CHD7: variants seen among roughly 807,000 people sequenced by gnomAD.
CHD7 encodes ATP-dependent chromatin remodeler CHD7.
CHD7 carries 24 observed loss-of-function variants against 307.3 expected under a neutral mutation model. The observed-to-expected ratio is 0.08, with a 90% CI of 0.06 to 0.11. CHD7 has a LOEUF of 0.11. CHD7 is among the 10% of genes least tolerant of loss of function. CHD7 has a pLI of 1.00. For synonymous variants in CHD7, 1,363 were observed against 1,349.9 expected, an observed-to-expected ratio of 1.01 and a Z score of -0.21; for missense variants, 3,106 against 3,727.1, an observed-to-expected ratio of 0.83 and a Z score of 4.34.
chr8:60,684,907 G>C (rs1805805489), intron 1 of CHD7, among the ~76,000 whole-genome samples: 1 of 152,208 alleles, frequency 6.6e-6, no homozygotes, highest in South Asian at 2.1e-4. Context: ...CAATGATTTG[G>C]ACTAGATTGG....
intron 2 of CHD7, among the ~76,000 whole-genome samples, chr8:60,769,089 A>G (rs1040684040): frequency 6.6e-6 from 1 of 152,252 alleles, no homozygotes; most frequent in African/African-American, 2.4e-5. Context: ...AACCTCAAGT[A>G]TAAATCCTTT....
At chr8:60,797,031 GTTGATATA>G (rs1812066906) in intron 4 of CHD7, among the ~76,000 whole-genome samples, 2 of 152,132 alleles carry the variant, frequency 1.3e-5, no homozygotes, top group Non-Finnish European at 2.9e-5. Context: ...AGTTTAAAAA[GTTGATATA>G]TTATTTTAGT....
chr8:60,768,357 A>T (rs929378612), intron 2 of CHD7, among the ~76,000 whole-genome samples: 5 of 152,216 alleles, frequency 3.3e-5, no homozygotes, highest in African/African-American at 1.2e-4. Context: ...CCATTTGATT[A>T]TTATGATCAG....
intron 1 of CHD7, among the ~76,000 whole-genome samples, chr8:60,717,531 G>A (rs146394791): frequency 7.2e-5 from 11 of 152,322 alleles, no homozygotes; most frequent in African/African-American, 2.6e-4. Flanking sequence ...CTACAACTCA[G>A]GTGGTTATGT....
intron 2 of CHD7, among the ~76,000 whole-genome samples, chr8:60,763,360 T>A (rs2150626167): frequency 6.6e-6 from 1 of 152,264 alleles, no homozygotes; most frequent in East Asian, 1.9e-4. Flanking sequence ...ACATTCCAGG[T>A]ACTCAGTAGC....
chr8:60,812,060 G>T (rs751599919), intron 7 of CHD7, among the ~76,000 whole-genome samples: 3 of 152,006 alleles, frequency 2.0e-5, no homozygotes, highest in Non-Finnish European at 4.4e-5. Flanking sequence ...TTTATCTTGG[G>T]TTATATGTTG....
At chr8:60,784,262 A>G (rs1563597733) in intron 3 of CHD7, among the ~76,000 whole-genome samples, 2 of 152,362 alleles carry the variant, frequency 1.3e-5, no homozygotes, top group South Asian at 4.1e-4. Context: ...TTGTTTTGCA[A>G]AATGTTATGT....
At chr8:60,806,757 C>T (rs1197833103) in intron 6 of CHD7, among the ~76,000 whole-genome samples, 2 of 152,114 alleles carry the variant, frequency 1.3e-5, no homozygotes, top group Non-Finnish European at 2.9e-5. Context: ...AATCCCATCA[C>T]TTTGGGAGGC....
chr8:60,785,634 G>A (rs961280720), intron 3 of CHD7, among the ~76,000 whole-genome samples: 3 of 152,118 alleles, frequency 2.0e-5, no homozygotes, highest in African/African-American at 4.8e-5. Context: ...CAATGGTGGT[G>A]TATTTTTATA....
intron 34 of CHD7, among the ~76,000 whole-genome samples, chr8:60,858,948 T>C (rs566968802): frequency 6.6e-6 from 1 of 152,366 alleles, no homozygotes; most frequent in East Asian, 1.9e-4. Flanking sequence ...GTGTTAGGAA[T>C]TAATAATGCA....
chr8:60,787,807 C>T (rs894930069), intron 3 of CHD7, among the ~76,000 whole-genome samples: 3 of 150,272 alleles, frequency 2.0e-5, no homozygotes, highest in South Asian at 2.1e-4. Flanking sequence ...CCATAAAACT[C>T]GGTAACTTGT....
intron 2 of CHD7, among the ~76,000 whole-genome samples, chr8:60,771,536 T>C (rs770454796): frequency 6.6e-6 from 1 of 152,232 alleles, no homozygotes; most frequent in African/African-American, 2.4e-5. Flanking sequence ...CCACAAACTT[T>C]ATGGCTTAAA....
intron 2 of CHD7, among the ~76,000 whole-genome samples, chr8:60,743,392 G>A (rs925655628): frequency 9.2e-5 from 14 of 152,182 alleles, no homozygotes; most frequent in African/African-American, 2.2e-4. Flanking sequence ...CAAGACAAAC[G>A]CTTTTGTTTC....
chr8:60,749,370 C>CAAAAAAAAAA (rs55661758), intron 2 of CHD7, among the ~76,000 whole-genome samples: 4 of 56,298 alleles, frequency 7.1e-5, no homozygotes, highest in East Asian at 5.9e-4. Context: ...GACTCTGTAT[C>CAAAAAAAAAA]AAAAAAAAAA....
chr8:60,808,172 A>T, intron 6 of CHD7, 45 bp from the exon 7 acceptor site: 1 of 1,290,722 alleles, frequency 7.7e-7, no homozygotes, highest in Non-Finnish European at 1.1e-6. Flanking sequence ...AAAATATTCT[A>T]GTAGATGGTT....
At chr8:60,843,752 A>T (rs1805074772) in intron 21 of CHD7, among the ~76,000 whole-genome samples, 1 of 152,254 alleles carries the variant, frequency 6.6e-6, no homozygotes, top group African/African-American at 2.4e-5. Context: ...TGGCATGTAC[A>T]GCTTGTGACT....
chr8:60,743,255 A>C (rs1187378748), intron 2 of CHD7, among the ~76,000 whole-genome samples, 158 bp downstream of exon 2: 1 of 152,238 alleles, frequency 6.6e-6, no homozygotes, highest in South Asian at 2.1e-4. Flanking sequence ...TTATTCAGGC[A>C]TCAATCTCCC....
chr8:60,860,881 A>G, intron 34 of CHD7, 23 bp from the exon 35 acceptor site: 1 of 1,572,384 alleles, frequency 6.4e-7, no homozygotes, highest in Non-Finnish European at 8.7e-7. Flanking sequence ...GTGAGAATTC[A>G]TACCATTGTG....
Position 60,837,853 on chromosome 8 carries a change from C to T in CHD7, c.4353+18C>T, listed in dbSNP as rs1200305597. 1 of 1,594,618 alleles carries T rather than the reference C, an allele frequency of 6.3e-7. No individual in the cohort carries two copies. Among genetic ancestry groups the T allele is most frequent in the South Asian group, 1.1e-5 (1 of 88,152 alleles). On this transcript the variant is annotated intron_variant, in intron 18 of 37. Transcript: ENST00000423902. ...CCAATGGGGTAAAACCACCCTTGCC[C>T]AAACCATTTATTTATTCTGGCACTT...
Sources: gnomAD v4.1 joint callset for allele counts (sites outside exome capture counted in the v4.1 genomes callset) on GRCh38, gnomAD v4.1.1 for gene constraint, MANE v1.5 for transcripts, NCBI Gene and HGNC (gene_info 2026-07-23, HGNC 2026-07-21) for gene names.